LINGO2: variants seen among roughly 807,000 people sequenced by gnomAD.
LINGO2 encodes leucine-rich repeat and immunoglobulin-like domain-containing nogo receptor-interacting protein 2.
LINGO2 carries 14 observed loss-of-function variants against 30.6 expected under a neutral mutation model. The observed-to-expected ratio is 0.46, with a 90% CI of 0.30 to 0.72. The LOEUF is 0.72. Ranked by LOEUF, LINGO2 falls within the 30% of genes least tolerant of loss-of-function variation. LINGO2 has a pLI of 0.07. For synonymous variants in LINGO2, 317 were observed against 288.5 expected (o/e 1.10, Z -1.00); for missense variants, 729 against 751.7 (o/e 0.97, Z 0.35).
intron 1 of LINGO2, among the ~76,000 whole-genome samples, chr9:28,614,995 C>A (rs1826076612): frequency 6.6e-6 from 1 of 152,066 alleles, no homozygotes; most frequent in Non-Finnish European, 1.5e-5. Context: ...ATAAATATAA[C>A]TTTAAGTTAT....
intron 4 of LINGO2, among the ~76,000 whole-genome samples, chr9:28,268,416 G>A (rs1311752850): frequency 6.6e-6 from 1 of 152,044 alleles, no homozygotes; most frequent in Non-Finnish European, 1.5e-5. Flanking sequence ...GAGTTTCCAT[G>A]ACACAACAAA....
the LINGO2 span, among the ~76,000 whole-genome samples, chr9:28,720,814 C>G: frequency 8.7e-4 from 132 of 151,980 alleles, 1 homozygote; most frequent in Admixed American, 5.1e-3. Flanking sequence ...GCTTTTCATG[C>G]AAAATAAAAT....
chr9:28,093,865 C>T (rs1021465118), intron 4 of LINGO2, among the ~76,000 whole-genome samples: 1 of 151,834 alleles, frequency 6.6e-6, no homozygotes, highest in African/African-American at 2.4e-5. Flanking sequence ...TTTATTTAAC[C>T]ATTGACAACC....
At chr9:28,623,499 T>G (rs1430750035) in intron 1 of LINGO2, among the ~76,000 whole-genome samples, 1 of 152,044 alleles carries the variant, frequency 6.6e-6, no homozygotes, top group Admixed American at 6.6e-5. Context: ...ACGAGTTCAC[T>G]TTAGGTGTGT....
At chr9:28,568,428 C>A (rs1349885208) in intron 1 of LINGO2, among the ~76,000 whole-genome samples, 2 of 151,970 alleles carry the variant, frequency 1.3e-5, no homozygotes, top group Non-Finnish European at 2.9e-5. Flanking sequence ...CCCCATGACA[C>A]TAGTTTACCT....
Position 28,592,203 on chromosome 9 carries a change from A to G in LINGO2, c.-365+77997T>C, listed in dbSNP as rs184586043. The stretch of plus-strand genomic sequence containing the variant: ...CAAAGTAGACATTGTTTCCTTTCAC[A>G]AAGAAGAAAACGGAGTATTAAAAAG... On this transcript the variant is annotated intron_variant, in intron 1 of 5. Transcript: ENST00000379992. Among the ~76,000 whole-genome samples, 117 of 152,210 alleles carry G rather than the reference A, an allele frequency of 7.7e-4. 1 individual carries two copies. The East Asian group carries it at 8.3e-3, about 11-fold the overall frequency.
chr9:29,155,751 A>T, the LINGO2 span, among the ~76,000 whole-genome samples: 1 of 152,096 alleles, frequency 6.6e-6, no homozygotes, highest in Non-Finnish European at 1.5e-5. Context: ...GAAACAATGC[A>T]AGGTATGTTA....
intron 4 of LINGO2, among the ~76,000 whole-genome samples, chr9:28,181,243 G>A (rs1317759810): frequency 6.6e-6 from 1 of 152,180 alleles, no homozygotes; most frequent in African/African-American, 2.4e-5. Flanking sequence ...GCTGCTTCCA[G>A]TAGGCACCTA....
the LINGO2 span, among the ~76,000 whole-genome samples, chr9:28,698,242 C>A: frequency 1.3e-5 from 2 of 152,136 alleles, no homozygotes; most frequent in Admixed American, 6.6e-5. Flanking sequence ...TGCATCATGG[C>A]TCTTTTATTT....
chr9:28,628,249 TTTCC>T (rs1397730523), intron 1 of LINGO2, among the ~76,000 whole-genome samples: 5 of 149,678 alleles, frequency 3.3e-5, no homozygotes, highest in African/African-American at 1.2e-4. Context: ...AAGTAATACA[TTTCC>T]TTCCTTTTGT....
intron 1 of LINGO2, among the ~76,000 whole-genome samples, chr9:28,570,342 A>G (rs1823623050): frequency 6.6e-6 from 1 of 151,994 alleles, no homozygotes. Flanking sequence ...ATATTAATAA[A>G]GAATTGGACA....
intron 4 of LINGO2, among the ~76,000 whole-genome samples, chr9:28,258,009 T>C (rs1822439108): frequency 6.6e-6 from 1 of 151,962 alleles, no homozygotes; most frequent in East Asian, 1.9e-4. Flanking sequence ...CAATACATAT[T>C]AGAAGCTACA....
chr9:28,335,796 T>C (rs955302618), intron 3 of LINGO2, among the ~76,000 whole-genome samples: 2 of 152,122 alleles, frequency 1.3e-5, no homozygotes, highest in African/African-American at 4.8e-5. Context: ...CTGAGTAATA[T>C]TGGCATGGAT....
At chr9:28,262,721 A>AT (rs1822607766) in intron 4 of LINGO2, among the ~76,000 whole-genome samples, 2 of 152,068 alleles carry the variant, frequency 1.3e-5, no homozygotes, top group Middle Eastern at 3.4e-3. Context: ...AAGAATCTAG[A>AT]TTTTTTGATG....
the LINGO2 span, among the ~76,000 whole-genome samples, chr9:29,129,030 C>A: frequency 6.6e-6 from 1 of 152,004 alleles, no homozygotes; most frequent in African/African-American, 2.4e-5. Context: ...TAATATTTGC[C>A]TTTGCTAGAT....
chr9:28,065,690 A>C (rs368595134), intron 4 of LINGO2, among the ~76,000 whole-genome samples: 1 of 152,120 alleles, frequency 6.6e-6, no homozygotes, highest in Non-Finnish European at 1.5e-5. Flanking sequence ...CGGGGTCTGC[A>C]TGGGTCTGAT....
intron 4 of LINGO2, among the ~76,000 whole-genome samples, chr9:28,084,589 T>A (rs4339735): frequency 0.2 from 31,158 of 152,076 alleles, 3,689 homozygotes; most frequent in East Asian, 0.4. Flanking sequence ...TATTCCTATT[T>A]ACTGTATGAA....
At chr9:29,189,038 GCGGC>G in the LINGO2 span, among the ~76,000 whole-genome samples, 4 of 114,316 alleles carry the variant, frequency 3.5e-5, no homozygotes, top group East Asian at 1.2e-3. Flanking sequence ...CCCAGACGGG[GCGGC>G]TGGCCGGGCG....
chr9:28,959,130 G>A, the LINGO2 span, among the ~76,000 whole-genome samples: 1 of 152,100 alleles, frequency 6.6e-6, no homozygotes, highest in African/African-American at 2.4e-5. Context: ...TCCTCAAGTT[G>A]CCAAGGTCTG....
Sources: gnomAD v4.1 joint callset for allele counts (sites outside exome capture counted in the v4.1 genomes callset) on GRCh38, gnomAD v4.1.1 for gene constraint, MANE v1.5 for transcripts, NCBI Gene and HGNC (gene_info 2026-07-23, HGNC 2026-07-21) for gene names.